Variants in JAK1 observed in about 807,000 individuals in gnomAD.
JAK1 encodes the protein Janus kinase 1.
Under a neutral mutation model 136.6 loss-of-function variants are expected in JAK1, and 16 were observed. The observed-to-expected ratio is 0.12, with a 90% CI of 0.08 to 0.18. JAK1 has a LOEUF of 0.18. Ranked by LOEUF, JAK1 falls within the 10% of genes least tolerant of loss-of-function variation. JAK1 has a pLI of 1.00. For missense variants in JAK1, 859 were observed against 1,450.1 expected (o/e 0.59, Z 6.62); for synonymous variants, 492 against 519.5 (o/e 0.95, Z 0.72).
rs999709352 is a variant in JAK1 at position 64,985,677 on chromosome 1, G to A, written c.-78+58803C>T. On this transcript the variant is annotated intron_variant, in intron 2 of 25. Coordinates refer to the JAK1 transcript ENST00000671954. ...AATAGGTGAGATGTCTCCGATGTAC[G>A]TGGGCACAAAACCTGTGCAGAGTCT... The A allele has an allele frequency of 3.0e-5, 22 of 722,960 alleles. 1 individual carries two copies. The highest frequency in any genetic ancestry group is 4.3e-5 in the Non-Finnish European group (17 of 397,362). The allele number at this position is 722,960 out of a possible 1,614,324, so 44.8% of individuals were successfully genotyped here.
intron 8 of JAK1, among the ~76,000 whole-genome samples, chr1:64,860,826 CTGTGTGTGTGTGTGTG>C (rs72032330): frequency 8.3e-6 from 1 of 120,662 alleles, no homozygotes. Flanking sequence ...TCAGATGACT[CTGTGTGTGTGTGTGTG>C]TGTGTGTGTG....
At chr1:65,045,543 G>A (rs1156680538) in intron 1 of JAK1, among the ~76,000 whole-genome samples, 1 of 152,144 alleles carries the variant, frequency 6.6e-6, no homozygotes, top group Admixed American at 6.5e-5. Flanking sequence ...GAGTCAGGGG[G>A]TTGTGTGAGT....
intron 2 of JAK1, among the ~76,000 whole-genome samples, chr1:65,024,303 G>T (rs942019918): frequency 6.6e-6 from 1 of 152,128 alleles, no homozygotes; most frequent in Non-Finnish European, 1.5e-5. Flanking sequence ...ATCCTAGGGG[G>T]TGTAAAGTTA....
chr1:64,839,145 C>T (rs1338586614), intron 20 of JAK1, among the ~76,000 whole-genome samples: 1 of 59,870 alleles, frequency 1.7e-5, no homozygotes. Flanking sequence ...GACTCCGTCT[C>T]AAAAAAAAAA....
intron 1 of JAK1, among the ~76,000 whole-genome samples, chr1:64,953,414 C>A (rs1247309362): frequency 6.6e-6 from 1 of 152,114 alleles, no homozygotes; most frequent in Non-Finnish European, 1.5e-5. Context: ...ATCGGCTCGT[C>A]CTGGTTCCAA....
intron 2 of JAK1, among the ~76,000 whole-genome samples, chr1:65,020,289 T>C (rs1030069691): frequency 2.6e-5 from 4 of 151,476 alleles, no homozygotes; most frequent in Non-Finnish European, 5.9e-5. Flanking sequence ...TGCCACACTC[T>C]TTCAAAGTGG....
At chr1:65,032,118 A>G (rs1300747872) in intron 2 of JAK1, among the ~76,000 whole-genome samples, 1 of 151,906 alleles carries the variant, frequency 6.6e-6, no homozygotes, top group East Asian at 1.9e-4. Flanking sequence ...GGCACGCACC[A>G]CCACGCCCAG....
intron 2 of JAK1, among the ~76,000 whole-genome samples, chr1:64,986,683 A>G (rs1646602711): frequency 6.6e-6 from 1 of 152,100 alleles, no homozygotes; most frequent in African/African-American, 2.4e-5. Flanking sequence ...ACTTGAGCCC[A>G]GGTGTTATTC....
At chr1:65,006,706 G>A (rs567026608) in intron 2 of JAK1, among the ~76,000 whole-genome samples, 12 of 152,216 alleles carry the variant, frequency 7.9e-5, no homozygotes, top group African/African-American at 2.6e-4. Context: ...TCAAACAGGG[G>A]TCTTATTTTG....
intron 1 of JAK1, among the ~76,000 whole-genome samples, chr1:64,953,660 A>AT (rs1044461372): frequency 1.3e-5 from 2 of 151,682 alleles, no homozygotes; most frequent in South Asian, 4.2e-4. Context: ...AAAACAAAAA[A>AT]TTTTTTTTTA....
chr1:64,926,789 C>A (rs773031463), intron 1 of JAK1, among the ~76,000 whole-genome samples: 1 of 152,204 alleles, frequency 6.6e-6, no homozygotes, highest in Non-Finnish European at 1.5e-5. Context: ...AGCTCTACCA[C>A]GTGCCAGCTG....
chr1:64,842,103 T>C (rs922098028), intron 17 of JAK1, among the ~76,000 whole-genome samples: 1 of 152,216 alleles, frequency 6.6e-6, no homozygotes, highest in Non-Finnish European at 1.5e-5. Context: ...GTAAAAATTA[T>C]GATTTAATCT....
intron 2 of JAK1, among the ~76,000 whole-genome samples, chr1:65,034,311 G>A (rs180925713): frequency 3.5e-4 from 53 of 152,310 alleles, no homozygotes; most frequent in Admixed American, 6.5e-5. Context: ...GAAGATACAC[G>A]ACTTGATATG....
intron 1 of JAK1, among the ~76,000 whole-genome samples, chr1:65,053,435 T>C (rs550045535): frequency 2.0e-5 from 3 of 152,224 alleles, no homozygotes; most frequent in Non-Finnish European, 4.4e-5. Flanking sequence ...AGAATGCACC[T>C]GTAAATATGA....
At chr1:64,988,891 A>C (rs1037708442) in intron 2 of JAK1, among the ~76,000 whole-genome samples, 36 of 150,318 alleles carry the variant, frequency 2.4e-4, no homozygotes, top group Non-Finnish European at 4.7e-4. Context: ...CCTAACTAAA[A>C]TAAATAAAAT....
At chr1:64,863,044 A>G (rs191539788) in intron 8 of JAK1, among the ~76,000 whole-genome samples, 2 of 151,370 alleles carry the variant, frequency 1.3e-5, no homozygotes, top group Non-Finnish European at 2.9e-5. Context: ...GATGCAGCAT[A>G]TAACAGGGGG....
At position 64,839,594 on chromosome 1, in the gene JAK1, A is replaced by G. The variant is rs1444983996; in HGVS notation, c.2842+9T>C. 4 of 1,611,810 alleles carry G rather than the reference A, an allele frequency of 2.5e-6. No individual in the cohort carries two copies. Among genetic ancestry groups the G allele is most frequent in the Admixed American group, 3.3e-5 (2 of 59,792 alleles). On this transcript the variant is annotated intron_variant, in intron 20 of 24. Transcript: ENST00000342505. ...TCTTTAAACCGGACCCCAGCCTTGC[A>G]TAACATACCGTCTTCTGTGCAGATT...
chr1:64,978,620 C>G (rs1485518720), intron 2 of JAK1, among the ~76,000 whole-genome samples: 1 of 152,048 alleles, frequency 6.6e-6, no homozygotes, highest in East Asian at 1.9e-4. Context: ...GCCAGTGAGC[C>G]CAAGGATGCT....
intron 2 of JAK1, among the ~76,000 whole-genome samples, chr1:65,042,390 A>T (rs12564816): frequency 2.7e-5 from 4 of 149,970 alleles, no homozygotes; most frequent in African/African-American, 9.9e-5. Context: ...GTTATGAAAA[A>T]CCAGGCACTC....
Sources: gnomAD v4.1 joint callset for allele counts (sites outside exome capture counted in the v4.1 genomes callset) on GRCh38, gnomAD v4.1.1 for gene constraint, MANE v1.5 for transcripts, NCBI Gene and HGNC (gene_info 2026-07-23, HGNC 2026-07-21) for gene names.